DENND2B: variants seen among roughly 807,000 people sequenced by gnomAD.
DENND2B encodes DENN domain-containing protein 2B.
A neutral mutation model predicts 116.0 loss-of-function variants in DENND2B; 32 were observed. The ratio of observed to expected loss-of-function variants is 0.28; its 90% confidence interval spans 0.21 to 0.37. The LOEUF (loss-of-function observed/expected upper bound fraction) is 0.37. DENND2B is among the 10% of genes least tolerant of loss of function. The pLI, the probability that DENND2B is intolerant of heterozygous loss-of-function variation, is 1.00. For synonymous variants in DENND2B, 588 were observed against 583.9 expected (o/e 1.01, Z -0.10); for missense variants, 1,276 against 1,477.7 (o/e 0.86, Z 2.24).
chr11:8,891,548 C>G (rs988845310), intron 1 of DENND2B, among the ~76,000 whole-genome samples: 1 of 152,142 alleles, frequency 6.6e-6, no homozygotes, highest in Non-Finnish European at 1.5e-5. Context: ...GGAGGAAGAT[C>G]TACCAAGCAA....
At chr11:8,897,347 G>A (rs1035428641) in intron 1 of DENND2B, among the ~76,000 whole-genome samples, 11 of 152,238 alleles carry the variant, frequency 7.2e-5, no homozygotes, top group African/African-American at 2.6e-4. Context: ...ACCTTGGTAA[G>A]AAAAATATGA....
intron 1 of DENND2B, among the ~76,000 whole-genome samples, chr11:8,895,246 T>C (rs1594352545): frequency 6.6e-6 from 1 of 151,096 alleles, no homozygotes; most frequent in East Asian, 2.0e-4. Flanking sequence ...CCAGGGCCTG[T>C]TGTGGGGTAG....
chr11:8,776,792 G>A (rs912643522), intron 1 of DENND2B: 8 of 156,508 alleles, frequency 5.1e-5, no homozygotes, highest in Non-Finnish European at 8.5e-5. Flanking sequence ...TAATAGCCAT[G>A]GTCAACTACC....
intron 4 of DENND2B, among the ~76,000 whole-genome samples, chr11:8,821,831 G>A (rs12419731): frequency 0.26 from 39,277 of 151,858 alleles, 5,358 homozygotes; most frequent in South Asian, 0.36. Context: ...TGGCTCTATC[G>A]CCCAGGCTGG....
intron 4 of DENND2B, among the ~76,000 whole-genome samples, chr11:8,824,600 G>A (rs1246467224): frequency 6.6e-6 from 1 of 152,040 alleles, no homozygotes; most frequent in East Asian, 1.9e-4. Flanking sequence ...AGTCTACTGC[G>A]ATGGGCATTT....
intron 1 of DENND2B, among the ~76,000 whole-genome samples, chr11:8,765,391 A>G (rs1374956430): frequency 6.6e-6 from 1 of 152,204 alleles, no homozygotes; most frequent in Non-Finnish European, 1.5e-5. Flanking sequence ...AATATTTTAA[A>G]TCTTTGAGGG....
intron 1 of DENND2B, among the ~76,000 whole-genome samples, chr11:8,804,547 C>CTTTT (rs58169547): frequency 0.01 from 1,353 of 129,600 alleles, 88 homozygotes; most frequent in African/African-American, 0.02. Context: ...GCAGCTACTT[C>CTTTT]TTTTTTTTTT....
chr11:8,782,404 T>C (rs557884236), intron 1 of DENND2B, among the ~76,000 whole-genome samples: 2 of 152,326 alleles, frequency 1.3e-5, no homozygotes, highest in East Asian at 3.9e-4. Context: ...AAAGCTTTAG[T>C]CATATTTGTC....
At position 8,707,274 on chromosome 11, in the gene DENND2B, C is replaced by T; in HGVS notation, c.2431-49G>A. 1 of 1,573,574 alleles carries T rather than the reference C, an allele frequency of 6.4e-7. No individual in the cohort carries two copies. The highest frequency in any genetic ancestry group is 8.6e-7 in the Non-Finnish European group (1 of 1,156,284). On this transcript the variant is annotated intron_variant, in intron 12 of 19. Transcript: ENST00000313726. The surrounding 1 kb of genome is among the most constrained non-coding windows in gnomAD (Gnocchi z 4.8). ...AAGAGGAAGGGTGTCAGGGCACTGC[C>T]CTTCCCCCTCCTGGCAGAGAAGAGG...
intron 2 of DENND2B, among the ~76,000 whole-genome samples, chr11:8,744,186 T>C (rs1593052301): frequency 1.3e-5 from 2 of 149,980 alleles, no homozygotes; most frequent in Non-Finnish European, 3.0e-5. Context: ...CAGGCTGGAG[T>C]GCAATGGCGT....
chr11:8,798,189 GACA>G (rs1428374885), intron 1 of DENND2B, among the ~76,000 whole-genome samples: 6 of 152,280 alleles, frequency 3.9e-5, no homozygotes, highest in African/African-American at 1.4e-4. Context: ...CAAGCTCCAT[GACA>G]ACAAGGACTT....
At chr11:8,698,385 C>T (rs959684849) in intron 16 of DENND2B, among the ~76,000 whole-genome samples, 3 of 152,082 alleles carry the variant, frequency 2.0e-5, no homozygotes, top group African/African-American at 4.8e-5. Context: ...TGCCTGGTAC[C>T]CAGGGAGTCC....
rs2048122194 is a variant in DENND2B, at chr11:8,731,505, C to T, written c.81-296G>A. Among the ~76,000 whole-genome samples the T allele has an allele frequency of 2.6e-5, 4 of 152,170 alleles. No homozygotes were observed. The South Asian group carries it at 6.2e-4, about 24-fold the overall frequency. On this transcript the variant is annotated intron_variant, in intron 2 of 19. Coordinates refer to ENST00000313726, the MANE Select transcript of DENND2B (RefSeq NM_213618.2). ...AAGCGAGAGCATCCCAAGAGTCTAA[C>T]ATCTGCCAGTAAGAGGACAGAAAGC... is the stretch of plus-strand genomic sequence containing the variant.
chr11:8,819,710 A>G lies in DENND2B; in HGVS notation c.-114-8375T>C, dbSNP rs147112467. Reference sequence around the variant, plus strand: ...ATATTCTACAAAATACCTGACCAGTACTCCTGAAAAGGGCCAGGGTCATGA... The same window carrying G: ...ATATTCTACAAAATACCTGACCAGTGCTCCTGAAAAGGGCCAGGGTCATGA... On this transcript the variant is annotated intron_variant, in intron 4 of 6. Transcript: ENST00000524757. 1.1e-3 allele frequency among the ~76,000 whole-genome samples: 167 copies of G among 152,290 alleles called. 1 individual carries two copies. The highest frequency in any genetic ancestry group is 3.8e-3 in the African/African-American group (158 of 41,554).
At chr11:8,704,570 T>A (rs993555780) in intron 13 of DENND2B, among the ~76,000 whole-genome samples, 1 of 152,266 alleles carries the variant, frequency 6.6e-6, no homozygotes, top group African/African-American at 2.4e-5. Context: ...GATTTGCCAC[T>A]GCTCAGCAAG....
intron 1 of DENND2B, among the ~76,000 whole-genome samples, chr11:8,796,214 T>C (rs1178096635): frequency 6.6e-6 from 1 of 152,136 alleles, no homozygotes; most frequent in African/African-American, 2.4e-5. Flanking sequence ...CCTTCACTAC[T>C]GATAGAATCC....
At chr11:8,809,971 G>A (rs1417455972) in intron 1 of DENND2B, 1 of 151,748 alleles carries the variant, frequency 6.6e-6, no homozygotes, top group African/African-American at 2.4e-5. Flanking sequence ...AGGCATCCCT[G>A]TGACAGTCCC....
intron 16 of DENND2B, chr11:8,698,103 C>T (rs1163516721): frequency 6.4e-6 from 1 of 155,156 alleles, no homozygotes; most frequent in Non-Finnish European, 1.3e-5. Flanking sequence ...TGTACCACTG[C>T]ACTCCAGCCT....
chr11:8,718,859 C>A, intron 4 of DENND2B: 1 of 995,784 alleles, frequency 1.0e-6, no homozygotes, highest in Non-Finnish European at 1.2e-6. Context: ...CCCTCCAACA[C>A]ACACATTTTC....
Sources: gnomAD v4.1 joint callset for allele counts (sites outside exome capture counted in the v4.1 genomes callset) on GRCh38, gnomAD v4.1.1 for gene constraint, Gnocchi (gnomAD v3.1) non-coding constraint, MANE v1.5 for transcripts, NCBI Gene and HGNC (gene_info 2026-07-23, HGNC 2026-07-21) for gene names.